Variants in COX6B1 observed in about 807,000 individuals in gnomAD.
COX6B1 encodes the protein cytochrome c oxidase subunit 6B1.
In COX6B1, 2 loss-of-function variants were observed where a neutral mutation model predicts 14.0. That is an observed-to-expected ratio of 0.14 (90% confidence interval 0.06 to 0.45). The LOEUF (loss-of-function observed/expected upper bound fraction) is 0.45, where lower values mean the gene tolerates loss of function less well. COX6B1 is among the 20% of genes least tolerant of loss of function. COX6B1 has a pLI of 0.98. For synonymous variants in COX6B1, 30 were observed against 39.7 expected, an observed-to-expected ratio of 0.76 and a Z score of 0.92; for missense variants, 81 against 114.2, an observed-to-expected ratio of 0.71 and a Z score of 1.33.
At chr19:35,648,935 G>GC in intron 1 of COX6B1, 1 of 533,402 alleles carries the variant, frequency 1.9e-6, no homozygotes, top group South Asian at 1.4e-5. Flanking sequence ...CTGCGTCTGT[G>GC]CCCCAGCAGC....
intron 1 of COX6B1, chr19:35,648,913 C>T (rs764223099): frequency 3.7e-6 from 2 of 533,400 alleles, no homozygotes; most frequent in East Asian, 5.5e-5. Flanking sequence ...TCGCCGGTAA[C>T]GATCCTTCCT....
At chr19:35,649,741 A>C (rs1391646775) in intron 1 of COX6B1, among the ~76,000 whole-genome samples, 1 of 151,884 alleles carries the variant, frequency 6.6e-6, no homozygotes, top group Non-Finnish European at 1.5e-5. Flanking sequence ...CGGCTTCCCA[A>C]AGTGCTGGGA....
intron 1 of COX6B1, chr19:35,648,677 C>T (rs1196413425): frequency 5.3e-6 from 2 of 377,726 alleles, no homozygotes. Flanking sequence ...AGTAAACAGG[C>T]TCAGAGATAC....
At chr19:35,650,472 G>A (rs928523830) in intron 1 of COX6B1, among the ~76,000 whole-genome samples, 2 of 152,084 alleles carry the variant, frequency 1.3e-5, no homozygotes, top group Non-Finnish European at 2.9e-5. Flanking sequence ...AACATTTTGG[G>A]AGGCCAAGCC....
chr19:35,658,730 C>A lies in COX6B1; in HGVS notation c.*83C>A. 1 of 1,249,750 alleles carries A rather than the reference C, an allele frequency of 8.0e-7. No homozygotes were observed. Among genetic ancestry groups the A allele is most frequent in the Non-Finnish European group, 1.2e-6 (1 of 850,072 alleles). 77.4% of individuals were successfully genotyped at this position (1,249,750 alleles called of 1,614,324 possible). ...GACCTGGTACCCAGTGATCCCCACC[C>A]CAGGATCCTAAATCATGACTTACCT... is the stretch of plus-strand genomic sequence containing the variant. On this transcript the variant is annotated 3_prime_UTR_variant, in exon 4 of 4. Transcript: ENST00000649813.
At chr19:35,657,231 A>C (rs565321356) in intron 3 of COX6B1, among the ~76,000 whole-genome samples, 122 of 151,348 alleles carry the variant, frequency 8.1e-4, no homozygotes, top group Non-Finnish European at 1.3e-3. Flanking sequence ...GGGTGATGGG[A>C]GATAGTGACA....
chr19:35,653,299 G>A (rs1352788182), intron 2 of COX6B1, among the ~76,000 whole-genome samples: 1 of 147,284 alleles, frequency 6.8e-6, no homozygotes, highest in Non-Finnish European at 1.5e-5. Flanking sequence ...TTGAGACAGA[G>A]TCTCGCTCTG....
chr19:35,658,418 C>T (rs1257049460), intron 3 of COX6B1, among the ~76,000 whole-genome samples, 176 bp from the exon 4 acceptor site: 1 of 152,132 alleles, frequency 6.6e-6, no homozygotes, highest in Non-Finnish European at 1.5e-5. Context: ...TTGTTCAGAA[C>T]AGTGATTTCT....
At chr19:35,655,268 T>G (rs1358475528) in intron 3 of COX6B1, among the ~76,000 whole-genome samples, 2 of 152,144 alleles carry the variant, frequency 1.3e-5, no homozygotes, top group Non-Finnish European at 2.9e-5. Flanking sequence ...GACTTCATGG[T>G]CCACCTGCCT....
At chr19:35,656,708 T>G (rs1174164304) in intron 3 of COX6B1, among the ~76,000 whole-genome samples, 1 of 152,124 alleles carries the variant, frequency 6.6e-6, no homozygotes, top group Non-Finnish European at 1.5e-5. Context: ...CTCAAACTCC[T>G]GACCTCAGGT....
Position 35,658,646 on chromosome 19 carries a change from G to T in COX6B1, c.260G>T (p.Ter87LeuextTer45). 6.2e-7 allele frequency: 1 copy of T among 1,613,896 alleles called. No homozygotes were observed. The highest frequency in any genetic ancestry group is 1.1e-5 in the South Asian group (1 of 91,074). ...RAEGTFPGKI[*>L] ...GAAGGCACGTTTCCCGGGAAGATCT[G>T]AACTGGCTGCATCTCCCTTTCCTCT... The change falls in exon 4 of 4, where the codon TGA becomes TTA. Residue 87 changes from the stop codon to leucine (L), a stop_lost. Transcript: ENST00000649813.
At chr19:35,649,759 C>T (rs1173060882) in intron 1 of COX6B1, among the ~76,000 whole-genome samples, 1 of 151,838 alleles carries the variant, frequency 6.6e-6, no homozygotes, top group Non-Finnish European at 1.5e-5. Flanking sequence ...GGATTACAGG[C>T]GTGAGCCACC....
intron 2 of COX6B1, among the ~76,000 whole-genome samples, chr19:35,652,395 C>T (rs946187694): frequency 2.0e-5 from 3 of 151,892 alleles, no homozygotes; most frequent in Non-Finnish European, 2.9e-5. Context: ...AGAAGTGACG[C>T]CACTAACTGG....
At chr19:35,652,755 T>C (rs942189439) in intron 2 of COX6B1, among the ~76,000 whole-genome samples, 1 of 151,966 alleles carries the variant, frequency 6.6e-6, no homozygotes, top group Non-Finnish European at 1.5e-5. Context: ...CTCACATCTT[T>C]GTTTTTTACC....
chr19:35,658,380 C>T (rs1158524453), intron 3 of COX6B1, among the ~76,000 whole-genome samples: 2 of 152,050 alleles, frequency 1.3e-5, no homozygotes, highest in Non-Finnish European at 2.9e-5. Context: ...GGTTTTCCTG[C>T]CCATTACTCT....
chr19:35,658,505 T>G lies in COX6B1; in HGVS notation c.208-89T>G. The G allele has an allele frequency of 5.8e-6, 7 of 1,215,628 alleles. No homozygotes were observed. The South Asian group carries it at 7.4e-5, about 13-fold the overall frequency. The allele number at this position is 1,215,628 out of a possible 1,614,324, so 75.3% of individuals were successfully genotyped here. ...ACAGCAGGTACCTGTGGATATTGGT[T>G]GAACAAACAGGTGGGCAAAGTGAGG... On this transcript the variant is annotated intron_variant, in intron 3 of 3. Coordinates refer to ENST00000649813, the MANE Select transcript of COX6B1 (RefSeq NM_001863.5).
At chr19:35,652,370 C>T (rs75256999) in intron 2 of COX6B1, among the ~76,000 whole-genome samples, 4,130 of 152,036 alleles carry the variant, frequency 0.027, 162 homozygotes, top group African/African-American at 0.082. Flanking sequence ...CACAGCACCC[C>T]GCTCTCCCCA....
At chr19:35,650,766 T>C (rs564423950) in intron 1 of COX6B1, among the ~76,000 whole-genome samples, 1 of 152,054 alleles carries the variant, frequency 6.6e-6, no homozygotes, top group Non-Finnish European at 1.5e-5. Context: ...CTGAGGAGTT[T>C]GTGGCACCAA....
At chr19:35,651,392 C>A in intron 2 of COX6B1, 43 bp downstream of exon 2, 1 of 1,475,506 alleles carries the variant, frequency 6.8e-7, no homozygotes, top group Non-Finnish European at 9.5e-7. Flanking sequence ...GAGTCACTCA[C>A]CGCTTGCCTC....
Sources: allele counts gnomAD v4.1 joint callset (sites outside exome capture counted in the v4.1 genomes callset), GRCh38; gene constraint gnomAD v4.1.1; transcripts MANE v1.5; gene names NCBI Gene and HGNC (gene_info 2026-07-23, HGNC 2026-07-21).